Variants in PDE3B observed in about 807,000 individuals in gnomAD.
PDE3B encodes phosphodiesterase 3B.
A neutral mutation model predicts 116.8 loss-of-function variants in PDE3B; 66 were observed. The observed-to-expected ratio is 0.56, with a 90% CI of 0.46 to 0.69. PDE3B has a LOEUF of 0.69. Among genes scored for constraint, PDE3B ranks in the 30% least tolerant of loss-of-function variants. PDE3B has a pLI of 0.00. For synonymous variants in PDE3B, 595 were observed against 533.6 expected (o/e 1.12, Z -1.59); for missense variants, 1,384 against 1,368.1 (o/e 1.01, Z -0.18).
At chr11:14,758,119 T>C (rs551023297) in intron 1 of PDE3B, among the ~76,000 whole-genome samples, 3 of 152,320 alleles carry the variant, frequency 2.0e-5, no homozygotes, top group Non-Finnish European at 2.9e-5. Context: ...GTTGTAGATA[T>C]GTGGCGTTAT....
At chr11:14,808,008 C>T (rs1296906183) in intron 5 of PDE3B, among the ~76,000 whole-genome samples, 6 of 150,032 alleles carry the variant, frequency 4.0e-5, no homozygotes, top group Admixed American at 6.7e-5. Context: ...TGCGGTGAGC[C>T]GAGATTGTGC....
At chr11:14,884,395 A>T in the PDE3B span, among the ~76,000 whole-genome samples, 1 of 152,048 alleles carries the variant, frequency 6.6e-6, no homozygotes, top group Non-Finnish European at 1.5e-5. Context: ...ACATGGATGA[A>T]ATTGGAAATC....
In PDE3B at chr11:14,859,077, A is replaced by G. The variant is rs1555006623; in HGVS notation, c.2555A>G (p.Asn852Ser). ...TACAATGACAGATCTGTTCTGGAAAATCATCATGCTGCGTCAGCTTGGAAT... is the reference window on the plus strand; with the variant it reads ...TACAATGACAGATCTGTTCTGGAAAGTCATCATGCTGCGTCAGCTTGGAAT... ...VLYNDRSVLENHHAASAWNLY... is the reference protein window; with the variant it reads ...VLYNDRSVLESHHAASAWNLY... Residue 852 changes from asparagine to serine, a missense_variant, in exon 13 of 16, where the codon AAT (asparagine) becomes AGT (serine). By Grantham distance (46) the Asn-to-Ser change is conservative. This residue lies in a region of PDE3B where 428 missense variants were observed against 561.4 expected (regional missense o/e 0.76). Transcript: ENST00000282096. The G allele has an allele frequency of 2.5e-6, 4 of 1,613,548 alleles. No individual in the cohort carries two copies. In the South Asian group the frequency reaches 4.4e-5, roughly 18 times the overall value.
chr11:14,891,828 A>G, the PDE3B span: 2 of 966,206 alleles, frequency 2.1e-6, no homozygotes, highest in South Asian at 4.8e-5. Flanking sequence ...TCCCTTCCAG[A>G]CCCGGGAAGC....
intron 1 of PDE3B, among the ~76,000 whole-genome samples, chr11:14,660,467 A>T (rs183884796): frequency 2.7e-5 from 4 of 145,496 alleles, no homozygotes; most frequent in African/African-American, 1.0e-4. Flanking sequence ...ATTCCTGGCT[A>T]TTTTTTTTTT....
In PDE3B at chr11:14,789,234, C is replaced by A. The variant is rs1415542728; in HGVS notation, c.1407C>A (p.Gly469=). The change falls in exon 4 of 16, where the codon GGC becomes GGA. Residue 469 remains glycine, a synonymous_variant. Coordinates refer to ENST00000282096, the MANE Select transcript of PDE3B (RefSeq NM_000922.4). ...GCAAAAGACCTCACCAAGAATTTGG[C>A]ATTTCAAGGTAAAATCTGCAGAGCC... ...NNGKRPHQEF[G]ISSQGCYLNG... The A allele has an allele frequency of 1.9e-6, 3 of 1,603,688 alleles. No homozygotes were observed. Among genetic ancestry groups the A allele is most frequent in the Non-Finnish European group, 2.6e-6 (3 of 1,175,306 alleles).
intron 1 of PDE3B, among the ~76,000 whole-genome samples, chr11:14,704,572 A>G (rs1375319511): frequency 1.3e-5 from 2 of 151,778 alleles, no homozygotes; most frequent in Admixed American, 6.6e-5. Flanking sequence ...TAGTGATAGA[A>G]TGGATATTAT....
chr11:14,860,692 G>T (rs1847932335), intron 13 of PDE3B, among the ~76,000 whole-genome samples: 1 of 152,010 alleles, frequency 6.6e-6, no homozygotes. Context: ...TTTTGATTCA[G>T]AATACAACTT....
intron 1 of PDE3B, among the ~76,000 whole-genome samples, chr11:14,697,029 T>A (rs1206797206): frequency 6.6e-6 from 1 of 152,072 alleles, no homozygotes; most frequent in Non-Finnish European, 1.5e-5. Flanking sequence ...CTTGACCTCC[T>A]GGGCTCAAGT....
At chr11:14,876,635 A>G (rs1326943052), downstream of PDE3B, among the ~76,000 whole-genome samples, 2 of 152,156 alleles carry the variant, frequency 1.3e-5, no homozygotes, top group Non-Finnish European at 2.9e-5. Context: ...CAGGACACAA[A>G]AAACAGTTTT....
intron 1 of PDE3B, among the ~76,000 whole-genome samples, chr11:14,752,569 T>C (rs2133877252): frequency 6.6e-6 from 1 of 152,286 alleles, no homozygotes; most frequent in Middle Eastern, 3.4e-3. Flanking sequence ...TCCTTCAAGT[T>C]TTATGCTATG....
In PDE3B at chr11:14,737,970, A is replaced by T. The variant is rs1196484049; in HGVS notation, c.979-33967A>T. Among the ~76,000 whole-genome samples the T allele has an allele frequency of 3.3e-5, 5 of 152,268 alleles. No individual in the cohort carries two copies. In the East Asian group the frequency reaches 9.6e-4, roughly 29 times the overall value. On this transcript the variant is annotated intron_variant, in intron 1 of 15. Transcript: ENST00000282096. ...AACTCATCATTTTTTAAGGCTGCATAGTATTCCATGGTGTATATGTGCCAC... is the reference window on the plus strand; with the variant it reads ...AACTCATCATTTTTTAAGGCTGCATTGTATTCCATGGTGTATATGTGCCAC...
chr11:14,859,099 G>T lies in PDE3B; in HGVS notation c.2577G>T (p.Trp859Cys). ...VLENHHAASA[W>C]NLYLSRPEYN... Reference sequence around the variant, plus strand: ...AAAATCATCATGCTGCGTCAGCTTGGAATCTATATCTTTCTCGCCCAGAAT... The same window carrying T: ...AAAATCATCATGCTGCGTCAGCTTGTAATCTATATCTTTCTCGCCCAGAAT... The change falls in exon 13 of 16, where the codon TGG becomes TGT. Residue 859 changes from tryptophan to cysteine, a missense_variant. Physicochemically the swap from Trp to Cys is radical, Grantham distance 215. Transcript: ENST00000282096. The T allele has an allele frequency of 8.1e-6, 13 of 1,613,596 alleles. No individual in the cohort carries two copies. The highest frequency in any genetic ancestry group is 1.1e-5 in the Non-Finnish European group (13 of 1,179,736).
At chr11:14,699,991 A>T (rs1287822767) in intron 1 of PDE3B, among the ~76,000 whole-genome samples, 2 of 151,726 alleles carry the variant, frequency 1.3e-5, no homozygotes, top group Non-Finnish European at 3.0e-5. Context: ...ATCTTTTGTT[A>T]ATTATATATG....
chr11:14,875,670 A>C (rs1848181831), downstream of PDE3B, among the ~76,000 whole-genome samples: 1 of 152,240 alleles, frequency 6.6e-6, no homozygotes, highest in South Asian at 2.1e-4. Flanking sequence ...TTGAGTTGAA[A>C]GCATAATGAA....
At chr11:14,677,846 C>T (rs375232435) in intron 1 of PDE3B, among the ~76,000 whole-genome samples, 23 of 152,242 alleles carry the variant, frequency 1.5e-4, no homozygotes, top group East Asian at 1.2e-3. Flanking sequence ...GAGATTCATC[C>T]GAGTTGTTGC....
intron 12 of PDE3B, among the ~76,000 whole-genome samples, chr11:14,857,748 G>A (rs569029444): frequency 2.6e-5 from 4 of 152,096 alleles, no homozygotes; most frequent in African/African-American, 4.8e-5. Context: ...CTTGCTATCT[G>A]TAAGTTTATT....
chr11:14,733,294 A>G (rs183064326), intron 1 of PDE3B, among the ~76,000 whole-genome samples: 1 of 152,338 alleles, frequency 6.6e-6, no homozygotes, highest in Non-Finnish European at 1.5e-5. Context: ...AGGATGGTCT[A>G]CAGAAATGAC....
At chr11:14,850,562 G>C (rs1590193701) in intron 12 of PDE3B, among the ~76,000 whole-genome samples, 1 of 151,952 alleles carries the variant, frequency 6.6e-6, no homozygotes, top group East Asian at 1.9e-4. Flanking sequence ...AGCTATAATG[G>C]TTGAGAACTA....
Sources: allele counts gnomAD v4.1 joint callset (sites outside exome capture counted in the v4.1 genomes callset), GRCh38; gene constraint gnomAD v4.1.1; regional missense constraint gnomAD v4.1.1; transcripts MANE v1.5; gene names NCBI Gene and HGNC (gene_info 2026-07-23, HGNC 2026-07-21).